GPHN: variants seen among roughly 807,000 people sequenced by gnomAD.
GPHN encodes the protein gephyrin.
Under a neutral mutation model 95.5 loss-of-function variants are expected in GPHN, and 17 were observed. That is an observed-to-expected ratio of 0.18 (90% CI 0.12 to 0.27). The LOEUF (loss-of-function observed/expected upper bound fraction) is 0.27. Ranked by LOEUF, GPHN falls within the 10% of genes least tolerant of loss-of-function variation. GPHN has a pLI of 1.00. For synonymous variants in GPHN, 320 were observed against 322.5 expected (o/e 0.99, Z 0.08); for missense variants, 660 against 978.1 (o/e 0.67, Z 4.34).
the GPHN span, among the ~76,000 whole-genome samples, chr14:67,293,644 C>G: frequency 2.0e-5 from 3 of 152,096 alleles, no homozygotes; most frequent in East Asian, 5.8e-4. Context: ...TTACCTTGAT[C>G]TTATACTATT....
the GPHN span, among the ~76,000 whole-genome samples, chr14:67,362,247 T>G: frequency 2.6e-5 from 4 of 152,036 alleles, no homozygotes; most frequent in Non-Finnish European, 5.9e-5. Context: ...CTCGAACTCC[T>G]GGTTTCAAGT....
chr14:67,670,076 CG>C, the GPHN span, among the ~76,000 whole-genome samples: 2 of 152,188 alleles, frequency 1.3e-5, no homozygotes, highest in Admixed American at 1.3e-4. Context: ...GCCTGGATGA[CG>C]GGAGACAGGA....
At chr14:67,415,209 A>G in the GPHN span, among the ~76,000 whole-genome samples, 2 of 152,260 alleles carry the variant, frequency 1.3e-5, no homozygotes, top group Non-Finnish European at 2.9e-5. Flanking sequence ...GATGATCAGT[A>G]TGTTTATATG....
chr14:67,347,285 A>T, the GPHN span: 1 of 761,980 alleles, frequency 1.3e-6, no homozygotes, highest in Non-Finnish European at 2.2e-6. Flanking sequence ...GACTATATCA[A>T]ATAAGAGGAT....
At chr14:67,580,040 G>A in the GPHN span, 3 of 639,642 alleles carry the variant, frequency 4.7e-6, no homozygotes, top group Admixed American at 3.0e-5. Context: ...AAATGTACCT[G>A]GGCAGGGAGA....
the GPHN span, among the ~76,000 whole-genome samples, chr14:67,594,978 A>C: frequency 6.6e-6 from 1 of 151,924 alleles, no homozygotes; most frequent in Non-Finnish European, 1.5e-5. Context: ...TCTACTAAAA[A>C]TACTAAAAGT....
chr14:67,090,246 G>A (rs141301682), intron 12 of GPHN, among the ~76,000 whole-genome samples: 113 of 151,940 alleles, frequency 7.4e-4, no homozygotes, highest in African/African-American at 2.6e-3. Flanking sequence ...TTTGGTTTTG[G>A]TTTTTTTAGC....
chr14:67,292,741 T>C, the GPHN span: 1 of 1,580,172 alleles, frequency 6.3e-7, no homozygotes, highest in Non-Finnish European at 8.7e-7. Flanking sequence ...AAACATCTTG[T>C]TGATGTCTAC....
chr14:66,639,121 A>AATATATAT (rs4058479), intron 1 of GPHN, among the ~76,000 whole-genome samples: 5,234 of 145,982 alleles, frequency 0.036, 119 homozygotes, highest in African/African-American at 0.063. Flanking sequence ...ACTGAAGGTA[A>AATATATAT]ATATATATAT....
the GPHN span, chr14:67,674,417 G>C: frequency 8.7e-6 from 14 of 1,607,694 alleles, 1 homozygote; most frequent in South Asian, 1.3e-4. Context: ...ACCCCTTGTA[G>C]GTCTTCATGG....
intron 1 of GPHN, among the ~76,000 whole-genome samples, chr14:66,575,059 A>T (rs1376607211): frequency 6.6e-6 from 1 of 152,182 alleles, no homozygotes; most frequent in East Asian, 1.9e-4. Flanking sequence ...ATCTATCTAT[A>T]TATACATCCT....
chr14:67,514,597 C>G, the GPHN span, among the ~76,000 whole-genome samples: 1 of 152,074 alleles, frequency 6.6e-6, no homozygotes, highest in Non-Finnish European at 1.5e-5. Context: ...CTGGAAAGTC[C>G]TCAGCCTCTA....
At chr14:66,869,959 A>G (rs2063368465) in intron 4 of GPHN, among the ~76,000 whole-genome samples, 1 of 152,120 alleles carries the variant, frequency 6.6e-6, no homozygotes, top group South Asian at 2.1e-4. Context: ...TATTCAACAA[A>G]TATTTGTTGA....
chr14:67,526,007 G>C, the GPHN span, among the ~76,000 whole-genome samples: 10 of 152,324 alleles, frequency 6.6e-5, no homozygotes, highest in East Asian at 1.9e-3. Flanking sequence ...TCCATCCTAG[G>C]AATCTGCCTG....
At chr14:67,462,376 G>C in the GPHN span, among the ~76,000 whole-genome samples, 4 of 152,158 alleles carry the variant, frequency 2.6e-5, no homozygotes, top group Non-Finnish European at 5.9e-5. Context: ...AGAGAGCCAG[G>C]TTCTTACTCT....
chr14:66,867,729 A>G (rs1169299935), intron 4 of GPHN, among the ~76,000 whole-genome samples: 1 of 152,172 alleles, frequency 6.6e-6, no homozygotes, highest in African/African-American at 2.4e-5. Flanking sequence ...TCTCCTCACT[A>G]AATCTATATT....
At chr14:67,518,046 G>T in the GPHN span, among the ~76,000 whole-genome samples, 23 of 152,210 alleles carry the variant, frequency 1.5e-4, no homozygotes, top group Non-Finnish European at 3.4e-4. Flanking sequence ...CAGAATTGTG[G>T]GAAGGGGTTG....
At chr14:66,982,431 TTTCC>T (rs1333048949) in intron 9 of GPHN, among the ~76,000 whole-genome samples, 1 of 152,162 alleles carries the variant, frequency 6.6e-6, no homozygotes, top group Admixed American at 6.5e-5. Context: ...CTGAGGATAG[TTTCC>T]CCAGTAATTA....
the GPHN span, among the ~76,000 whole-genome samples, chr14:67,496,947 G>A: frequency 3.9e-5 from 6 of 151,988 alleles, no homozygotes; most frequent in South Asian, 4.2e-4. Flanking sequence ...ACAGGTGCCC[G>A]CCACCACACC....
Sources: gnomAD v4.1 joint callset for allele counts (sites outside exome capture counted in the v4.1 genomes callset) on GRCh38, gnomAD v4.1.1 for gene constraint, MANE v1.5 for transcripts, NCBI Gene and HGNC (gene_info 2026-07-23, HGNC 2026-07-21) for gene names.